Variants in DTD1 observed in about 807,000 individuals in gnomAD.
DTD1 encodes the protein D-tyrosyl-tRNA deacylase 1 homolog.
DTD1 carries 13 observed loss-of-function variants against 25.6 expected under a neutral mutation model. That is an observed-to-expected ratio of 0.51 (90% CI 0.33 to 0.81). The LOEUF (loss-of-function observed/expected upper bound fraction) is 0.81. Among genes scored for constraint, DTD1 ranks in the 30% least tolerant of loss-of-function variants. The probability of loss-of-function intolerance (pLI) is 0.02; values close to 1 mark genes in which losing one functional copy is unlikely to be tolerated. For missense variants in DTD1, 193 were observed against 266.4 expected (o/e 0.72, Z 1.92); for synonymous variants, 110 against 103.6 (o/e 1.06, Z -0.37).
intron 4 of DTD1, among the ~76,000 whole-genome samples, chr20:18,703,674 T>A (rs1027325819): frequency 6.6e-6 from 1 of 152,076 alleles, no homozygotes; most frequent in Non-Finnish European, 1.5e-5. Flanking sequence ...CAAGCAATTT[T>A]TAATATCCAT....
In DTD1 at chr20:18,596,031, G is replaced by T. The variant is rs1272401606; in HGVS notation, c.160G>T (p.Val54Leu). 19 of 1,614,070 alleles carry T rather than the reference G, an allele frequency of 1.2e-5. No homozygotes were observed. The highest frequency in any genetic ancestry group is 1.6e-5 in the Non-Finnish European group (19 of 1,180,036). Residue 54 changes from valine (V) to leucine (L), a missense_variant, in exon 3 of 6, where the codon GTA becomes TTA. Transcript: ENST00000377452. ...HMVRKILNLR[V>L]FEDESGKHWS... ...GGTCCGAAAGATTCTAAACCTGCGT[G>T]TATTTGAGGATGAGAGTGGGAAGCA...
chr20:18,688,447 G>C (rs2061026389), intron 4 of DTD1, among the ~76,000 whole-genome samples: 1 of 152,198 alleles, frequency 6.6e-6, no homozygotes, highest in African/African-American at 2.4e-5. Flanking sequence ...CCCTGAGGAA[G>C]AGAAGCTGAG....
In DTD1 at chr20:18,712,398, TGGGGGTG is replaced by T. The variant is rs202207317; in HGVS notation, c.478-31696_478-31690del. ...AAGTACTGTGTGTGTGTTGTGGGGG[TGGGGGTG>T]GGGGGGAAGCCAGGATGAAGTAGTG... On this transcript the variant is annotated intron_variant, in intron 4 of 5. Coordinates refer to ENST00000377452, the MANE Select transcript of DTD1 (RefSeq NM_080820.6). Among the ~76,000 whole-genome samples the T allele has an allele frequency of 3.8e-3, 33 of 8,622 alleles. No individual in the cohort carries two copies. The Admixed American group carries it at 0.044, about 12-fold the overall frequency. 5.7% of individuals were successfully genotyped at this position (8,622 alleles called of 152,430 possible). A position where few individuals can be genotyped will look rare whatever the true frequency, so the allele number is the denominator to read the frequency against.
At chr20:18,696,943 T>C (rs575007960) in intron 4 of DTD1, among the ~76,000 whole-genome samples, 1 of 151,952 alleles carries the variant, frequency 6.6e-6, no homozygotes, top group Non-Finnish European at 1.5e-5. Context: ...TTAAAAGTTA[T>C]TTAAAGCAGC....
At chr20:18,649,475 A>T (rs1172642767) in intron 4 of DTD1, among the ~76,000 whole-genome samples, 1 of 151,350 alleles carries the variant, frequency 6.6e-6, no homozygotes, top group South Asian at 2.1e-4. Context: ...AGTAGCTGGC[A>T]CTACAGGTGC....
At chr20:18,631,907 T>C in intron 4 of DTD1, 1 of 984,434 alleles carries the variant, frequency 1.0e-6, no homozygotes, top group Non-Finnish European at 1.2e-6. Context: ...ACCAGTACCC[T>C]CTTCTTGTTT....
chr20:18,689,446 C>T (rs75343093), intron 4 of DTD1, among the ~76,000 whole-genome samples: 113 of 152,104 alleles, frequency 7.4e-4, no homozygotes, highest in African/African-American at 1.7e-3. Context: ...AAATATACAC[C>T]GGTTTCTTGT....
chr20:18,663,795 A>G (rs1414982387), intron 4 of DTD1, among the ~76,000 whole-genome samples: 1 of 152,252 alleles, frequency 6.6e-6, no homozygotes, highest in African/African-American at 2.4e-5. Context: ...ACAGGGCAGC[A>G]GGAGAGAGAA....
At chr20:18,611,353 C>T (rs2060686009) in intron 3 of DTD1, among the ~76,000 whole-genome samples, 2 of 152,156 alleles carry the variant, frequency 1.3e-5, no homozygotes. Flanking sequence ...AATTTGGCTT[C>T]CAGCTCCAGT....
intron 4 of DTD1, among the ~76,000 whole-genome samples, chr20:18,655,885 T>C (rs1028558702): frequency 1.6e-4 from 24 of 152,176 alleles, no homozygotes; most frequent in Admixed American, 1.3e-4. Context: ...TTCTCCTGCC[T>C]CAGCCTCCCG....
intron 3 of DTD1, among the ~76,000 whole-genome samples, chr20:18,597,154 AGTGTGTGTGTGTGTGT>A (rs4052788): frequency 0.15 from 20,972 of 143,512 alleles, 1,593 homozygotes; most frequent in Admixed American, 0.2. Flanking sequence ...GATGAGAGAA[AGTGTGTGTGTGTGTGT>A]GTGTGTGTGT....
chr20:18,615,388 T>C (rs2060705446), intron 3 of DTD1, among the ~76,000 whole-genome samples: 1 of 152,092 alleles, frequency 6.6e-6, no homozygotes, highest in Non-Finnish European at 1.5e-5. Context: ...AGCTAAACGT[T>C]GAGGGTGCAT....
At chr20:18,588,150 C>T in intron 1 of DTD1, 35 bp downstream of exon 1, 1 of 1,240,276 alleles carries the variant, frequency 8.1e-7, no homozygotes. Context: ...GGAGGAGCCG[C>T]CCCTGACCCC....
chr20:18,637,105 G>T (rs1288341807), intron 4 of DTD1, among the ~76,000 whole-genome samples: 1 of 152,186 alleles, frequency 6.6e-6, no homozygotes, highest in Non-Finnish European at 1.5e-5. Context: ...TCTGCTCCAG[G>T]TGTTGGTTTC....
At chr20:18,761,883 GA>G (rs2061364500) in intron 5 of DTD1, among the ~76,000 whole-genome samples, 1 of 152,226 alleles carries the variant, frequency 6.6e-6, no homozygotes, top group Non-Finnish European at 1.5e-5. Context: ...GCTAAAAACT[GA>G]AAGTAATATG....
intron 4 of DTD1, among the ~76,000 whole-genome samples, chr20:18,707,757 G>T (rs564536757): frequency 6.6e-6 from 1 of 151,796 alleles, no homozygotes; most frequent in Non-Finnish European, 1.5e-5. Flanking sequence ...ACACACACGC[G>T]CGCACACACA....
chr20:18,651,568 GCCCCCTT>G (rs1160004907), intron 4 of DTD1, among the ~76,000 whole-genome samples: 3 of 152,156 alleles, frequency 2.0e-5, no homozygotes, highest in South Asian at 4.1e-4. Context: ...TCTCATGACT[GCCCCCTT>G]TGAGAGTTCT....
chr20:18,744,822 G>C (rs1225967886), intron 5 of DTD1, among the ~76,000 whole-genome samples: 1 of 151,956 alleles, frequency 6.6e-6, no homozygotes, highest in Non-Finnish European at 1.5e-5. Context: ...TCCTACGTGG[G>C]AATTATGGGA....
intron 3 of DTD1, among the ~76,000 whole-genome samples, chr20:18,618,896 A>G (rs888485257): frequency 2.0e-5 from 3 of 152,064 alleles, no homozygotes; most frequent in African/African-American, 7.2e-5. Context: ...TATTTTTAGT[A>G]GAGATGGGGT....
Sources: allele counts gnomAD v4.1 joint callset (sites outside exome capture counted in the v4.1 genomes callset), GRCh38; gene constraint gnomAD v4.1.1; transcripts MANE v1.5; gene names NCBI Gene and HGNC (gene_info 2026-07-23, HGNC 2026-07-21).